LAMC1: variants seen among roughly 807,000 people sequenced by gnomAD.
LAMC1 encodes laminin subunit gamma 1, also known as laminin subunit gamma-1.
In LAMC1, 38 loss-of-function variants were observed where a neutral mutation model predicts 173.6. The ratio of observed to expected loss-of-function variants is 0.22; its 90% CI spans 0.17 to 0.29. The LOEUF is 0.29. Ranked by LOEUF, LAMC1 falls within the 10% of genes least tolerant of loss-of-function variation. The probability of loss-of-function intolerance (pLI) is 1.00; values close to 1 mark genes in which losing one functional copy is unlikely to be tolerated. For synonymous variants in LAMC1, 746 were observed against 749.1 expected, an observed-to-expected ratio of 1.00 and a Z score of 0.07; for missense variants, 1,824 against 2,051.8, an observed-to-expected ratio of 0.89 and a Z score of 2.14.
At chr1:183,137,318 C>G (rs1180985050) in intron 25 of LAMC1, among the ~76,000 whole-genome samples, 1 of 152,136 alleles carries the variant, frequency 6.6e-6, no homozygotes. Context: ...GCGAAAGCAT[C>G]TAATCAATAT....
At chr1:183,092,324 A>T (rs1406294982) in intron 1 of LAMC1, among the ~76,000 whole-genome samples, 1 of 152,150 alleles carries the variant, frequency 6.6e-6, no homozygotes, top group Non-Finnish European at 1.5e-5. Flanking sequence ...CTCAACTGTA[A>T]TTGTACATAA....
intron 1 of LAMC1, among the ~76,000 whole-genome samples, chr1:183,054,368 G>A (rs4652771): frequency 0.5 from 76,291 of 151,938 alleles, 19,798 homozygotes; most frequent in South Asian, 0.64. Context: ...TATAGAGGCT[G>A]TTCTCTGAAT....
chr1:183,040,310 G>A (rs112195425), intron 1 of LAMC1, among the ~76,000 whole-genome samples: 1 of 152,188 alleles, frequency 6.6e-6, no homozygotes, highest in African/African-American at 2.4e-5. Context: ...ACACATGGGA[G>A]TTTGAACACC....
intron 21 of LAMC1, 38 bp from the exon 22 acceptor site, chr1:183,133,368 G>C (rs778139054): frequency 5.1e-6 from 8 of 1,574,336 alleles, no homozygotes; most frequent in Non-Finnish European, 6.9e-6. Context: ...GCTAAAAGCA[G>C]CTAAGATTGT....
Position 183,095,706 on chromosome 1 carries a change from T to C in LAMC1, c.419-7622T>C, listed in dbSNP as rs1395361281. 2.0e-5 allele frequency among the ~76,000 whole-genome samples: 3 copies of C among 152,176 alleles called. No individual in the cohort carries two copies. The East Asian group carries it at 5.8e-4, about 29-fold the overall frequency. On this transcript the variant is annotated intron_variant, in intron 1 of 27. Transcript: ENST00000258341. ...CCCAGCTCAAGGACTTATTCATGCCTGTAGTCTACCACCATGAATTAGGTC... is the reference window on the plus strand; with the variant it reads ...CCCAGCTCAAGGACTTATTCATGCCCGTAGTCTACCACCATGAATTAGGTC...
At chr1:183,083,141 C>T (rs1655331706) in intron 1 of LAMC1, among the ~76,000 whole-genome samples, 1 of 152,156 alleles carries the variant, frequency 6.6e-6, no homozygotes, top group African/African-American at 2.4e-5. Flanking sequence ...AAGTGTTGGG[C>T]TTTCTTTTAC....
chr1:183,131,282 C>T lies in LAMC1; in HGVS notation c.3487-17C>T, dbSNP rs909964093. 3.1e-6 allele frequency: 5 copies of T among 1,592,568 alleles called. No individual in the cohort carries two copies. The highest frequency in any genetic ancestry group is 2.7e-5 in the African/African-American group (2 of 74,318). On this transcript the variant is annotated splice_polypyrimidine_tract_variant and intron_variant, in intron 19 of 27. Transcript: ENST00000258341. ...TAATTCAGTCCTTTGAGAATAAGTG[C>T]TTTATTTCCTGTGCAGTCAGTCACT...
Position 183,127,210 on chromosome 1 carries a change from T to C in LAMC1, c.2945-16T>C. 1 of 1,611,312 alleles carries C rather than the reference T, an allele frequency of 6.2e-7. No individual in the cohort carries two copies. Among genetic ancestry groups the C allele is most frequent in the African/African-American group, 1.3e-5 (1 of 75,002 alleles). On this transcript the variant is annotated splice_polypyrimidine_tract_variant and intron_variant, in intron 16 of 27. Coordinates refer to ENST00000258341, the MANE Select transcript of LAMC1 (RefSeq NM_002293.4). ...TTCTTTTGCTAATTATGTATTATTT[T>C]CTCCTTATTCTGCAGCCTGTGACTG...
At chr1:183,077,005 C>T (rs1049549333) in intron 1 of LAMC1, among the ~76,000 whole-genome samples, 2 of 152,210 alleles carry the variant, frequency 1.3e-5, no homozygotes, top group Non-Finnish European at 2.9e-5. Flanking sequence ...TCACTGCGGT[C>T]TCTTGAAGTA....
At chr1:183,138,098 A>T in intron 26 of LAMC1, 1 of 376,714 alleles carries the variant, frequency 2.7e-6, no homozygotes. Flanking sequence ...CATTAAAAGT[A>T]TGTGTTTATA....
intron 1 of LAMC1, among the ~76,000 whole-genome samples, chr1:183,034,341 G>A (rs1383230463): frequency 3.3e-5 from 5 of 152,156 alleles, no homozygotes; most frequent in African/African-American, 1.2e-4. Flanking sequence ...CATGATCTAA[G>A]CTCACTGCAA....
At chr1:183,060,591 A>T (rs1293672642) in intron 1 of LAMC1, among the ~76,000 whole-genome samples, 3 of 152,146 alleles carry the variant, frequency 2.0e-5, no homozygotes, top group Non-Finnish European at 2.9e-5. Flanking sequence ...TACAGTGCTT[A>T]CTACACTGTG....
chr1:183,049,515 G>A (rs1000999464), intron 1 of LAMC1, among the ~76,000 whole-genome samples: 2 of 150,554 alleles, frequency 1.3e-5, no homozygotes, highest in African/African-American at 4.9e-5. Flanking sequence ...CCAGGCTGAA[G>A]TGCAGTGGTG....
At chr1:183,059,470 A>C (rs1270940837) in intron 1 of LAMC1, among the ~76,000 whole-genome samples, 1 of 152,184 alleles carries the variant, frequency 6.6e-6, no homozygotes, top group Non-Finnish European at 1.5e-5. Context: ...GCAGTAAGCC[A>C]AGATCATGCC....
chr1:183,127,061 T>C (rs1242697234), intron 16 of LAMC1, among the ~76,000 whole-genome samples, 165 bp from the exon 17 acceptor site: 1 of 152,248 alleles, frequency 6.6e-6, no homozygotes, highest in African/African-American at 2.4e-5. Context: ...CAGTTTTCTC[T>C]GCTAAACAGA....
At chr1:183,028,161 C>T (rs569094399) in intron 1 of LAMC1, among the ~76,000 whole-genome samples, 9 of 151,952 alleles carry the variant, frequency 5.9e-5, no homozygotes, top group Non-Finnish European at 8.8e-5. Flanking sequence ...CCTCCCCCCC[C>T]CCACCTCTTC....
intron 1 of LAMC1, among the ~76,000 whole-genome samples, chr1:183,052,815 A>G (rs1558033435): frequency 6.6e-6 from 1 of 152,196 alleles, no homozygotes; most frequent in East Asian, 1.9e-4. Flanking sequence ...ATAATGCTTA[A>G]GAGTGTTCAT....
intron 1 of LAMC1, among the ~76,000 whole-genome samples, chr1:183,047,773 C>A (rs765963223): frequency 6.6e-6 from 1 of 152,122 alleles, no homozygotes; most frequent in Non-Finnish European, 1.5e-5. Context: ...TTGCCCAAAT[C>A]CTGCCTAACT....
chr1:183,096,827 GATA>G (rs911241283), intron 1 of LAMC1, among the ~76,000 whole-genome samples: 1 of 152,152 alleles, frequency 6.6e-6, no homozygotes, highest in African/African-American at 2.4e-5. Context: ...AAAGGAACAG[GATA>G]ATAAGTTTTT....
Sources: gnomAD v4.1 joint callset for allele counts (sites outside exome capture counted in the v4.1 genomes callset) on GRCh38, gnomAD v4.1.1 for gene constraint, MANE v1.5 for transcripts, NCBI Gene and HGNC (gene_info 2026-07-23, HGNC 2026-07-21) for gene names.